The following CHD8 variants were observed in gnomAD, a reference collection of about 807,000 sequenced individuals.
The protein encoded by CHD8 is ATP-dependent chromatin remodeler CHD8.
CHD8 carries 31 observed loss-of-function variants against 279.2 expected under a neutral mutation model. That is an observed-to-expected ratio of 0.11 (90% CI 0.08 to 0.15). The LOEUF is 0.15. Among genes scored for constraint, CHD8 ranks in the 10% least tolerant of loss-of-function variants. CHD8 has a pLI of 1.00. For missense variants in CHD8, 2,146 were observed against 3,230.5 expected (o/e 0.66, Z 8.14); for synonymous variants, 1,081 against 1,139.6 (o/e 0.95, Z 1.04).
chr14:21,412,883 T>C (rs550407629), intron 10 of CHD8, 30 bp downstream of exon 10: 4 of 1,359,974 alleles, frequency 2.9e-6, no homozygotes, highest in Non-Finnish European at 4.2e-6. Context: ...TAAGAGGATG[T>C]TCACGTTACT....
intron 33 of CHD8, 22 bp from the exon 34 acceptor site, chr14:21,392,831 T>C (rs775420723): frequency 1.2e-6 from 2 of 1,609,380 alleles, no homozygotes; most frequent in Non-Finnish European, 1.7e-6. Context: ...AAGAAAGAAA[T>C]ACCATTTTAA....
intron 9 of CHD8, 26 bp downstream of exon 9, chr14:21,414,275 G>T: frequency 1.8e-6 from 2 of 1,113,398 alleles, no homozygotes; most frequent in South Asian, 2.7e-5. Flanking sequence ...TGAAAGAAAT[G>T]ACAGGCAATA....
At chr14:21,429,565 A>C in intron 2 of CHD8, 2 of 654,490 alleles carry the variant, frequency 3.1e-6, no homozygotes, top group Admixed American at 2.1e-5. Flanking sequence ...TCACAGGCAC[A>C]ACACTACTGC....
At chr14:21,430,017 A>G (rs1252574293) in intron 2 of CHD8, 1 of 153,720 alleles carries the variant, frequency 6.5e-6, no homozygotes, top group Non-Finnish European at 1.4e-5. Flanking sequence ...CTAATGCAGC[A>G]GTTCATTTTT....
chr14:21,405,629 G>T lies in CHD8; in HGVS notation c.3051+92C>A. 6.7e-7 allele frequency: 1 copy of T among 1,494,220 alleles called. No individual in the cohort carries two copies. The highest frequency in any genetic ancestry group is 9.1e-7 in the Non-Finnish European group (1 of 1,095,746). 92.6% of individuals were successfully genotyped at this position (1,494,220 alleles called of 1,614,324 possible). ...ACAAGGTTATAAGGAGTTCAGAAAGGCCCTTGAGATACCCATGACAACAGA... is the reference window on the plus strand; with the variant it reads ...ACAAGGTTATAAGGAGTTCAGAAAGTCCCTTGAGATACCCATGACAACAGA... On this transcript the variant is annotated intron_variant, in intron 15 of 37. Transcript: ENST00000646647. This position sits in a 1 kb window ranked among gnomAD's most constrained non-coding sequence, Gnocchi z 4.2.
At chr14:21,392,363 T>C in intron 34 of CHD8, 144 bp downstream of exon 34, 2 of 855,440 alleles carry the variant, frequency 2.3e-6, no homozygotes, top group South Asian at 1.6e-5. Context: ...AAAATGATTC[T>C]TCCTAAATGG....
chr14:21,437,044 G>A (rs1889812631), intron 1 of CHD8: 1 of 695,184 alleles, frequency 1.4e-6, no homozygotes, highest in Non-Finnish European at 2.2e-6. Flanking sequence ...GGTGGGGATG[G>A]CCAAGACGGG....
intron 1 of CHD8, among the ~76,000 whole-genome samples, chr14:21,448,175 T>C (rs1042613327): frequency 6.6e-6 from 1 of 152,182 alleles, no homozygotes. Context: ...TAAAAGAGTA[T>C]GTGTGGGAGG....
Position 21,394,138 on chromosome 14 carries a change from G to A in CHD8, c.5657C>T (p.Thr1886Ile). 6.2e-7 allele frequency: 1 copy of A among 1,611,122 alleles called. No individual in the cohort carries two copies. The highest frequency in any genetic ancestry group is 8.5e-7 in the Non-Finnish European group (1 of 1,178,030). ...EPITEERASRTLYRIELLRRL... is the reference protein window; with the variant it reads ...EPITEERASRILYRIELLRRL... ...CCGAAGCAATTCTATACGGTAGAGA[G>A]TCCGTGAGGCTCTCTCCTCAGTGAT... The change falls in exon 32 of 38, where the codon ACT becomes ATT. Residue 1886 changes from threonine (T) to isoleucine (I), a missense_variant. This residue lies in a region of CHD8 where 513 missense variants were observed against 637.6 expected (regional missense o/e 0.80). Coordinates refer to ENST00000646647, the MANE Select transcript of CHD8 (RefSeq NM_001170629.2).
At chr14:21,435,150 G>C (rs1483258692) in intron 1 of CHD8, among the ~76,000 whole-genome samples, 2 of 152,206 alleles carry the variant, frequency 1.3e-5, no homozygotes, top group African/African-American at 4.8e-5. Flanking sequence ...GTTGTACTTA[G>C]TCACTTTCCA....
At position 21,400,394 on chromosome 14, in the gene CHD8, G is replaced by C; in HGVS notation, c.4570+19C>G. On this transcript the variant is annotated intron_variant, in intron 23 of 37. Transcript: ENST00000646647. This position sits in a 1 kb window ranked among gnomAD's most constrained non-coding sequence, Gnocchi z 4.2. ...AGATTAACCTATAGAAAAACATAAA[G>C]TAAAGAGTTGATAATTACCTGAATG... is the stretch of plus-strand genomic sequence containing the variant. 6.3e-7 allele frequency: 1 copy of C among 1,598,756 alleles called. No individual in the cohort carries two copies. The highest frequency in any genetic ancestry group is 8.5e-7 in the Non-Finnish European group (1 of 1,175,134).
At chr14:21,388,582 C>G (rs1408461169) in intron 37 of CHD8, among the ~76,000 whole-genome samples, 1 of 152,144 alleles carries the variant, frequency 6.6e-6, no homozygotes, top group Non-Finnish European at 1.5e-5. Context: ...TAGTCTCAGC[C>G]TCTGGGCTCA....
intron 8 of CHD8, chr14:21,414,644 C>T: frequency 1.7e-6 from 1 of 593,090 alleles, no homozygotes; most frequent in Non-Finnish European, 3.0e-6. Context: ...AATGCTAATT[C>T]TGCTGATCCA....
chr14:21,410,585 C>G (rs2139486123), intron 10 of CHD8, among the ~76,000 whole-genome samples: 1 of 152,324 alleles, frequency 6.6e-6, no homozygotes, highest in African/African-American at 2.4e-5. Context: ...ACAGTAAGTA[C>G]TAGTTTATGT....
At chr14:21,407,724 T>G (rs1888312508) in intron 13 of CHD8, among the ~76,000 whole-genome samples, 1 of 152,072 alleles carries the variant, frequency 6.6e-6, no homozygotes, top group Admixed American at 6.5e-5. Context: ...TTCTCCTGCC[T>G]CAGCCTCCTG....
In CHD8 at chr14:21,400,841, A is replaced by G; in HGVS notation, c.4370+34T>C. On this transcript the variant is annotated intron_variant, in intron 22 of 37. Transcript: ENST00000646647. The surrounding 1 kb of genome is among the most constrained non-coding windows in gnomAD (Gnocchi z 4.2). ...GTATCTATCAGGATGGAGATGCACT[A>G]TGCACTACCTCTAATGGTAAGTTGG... 1 of 1,561,198 alleles carries G rather than the reference A, an allele frequency of 6.4e-7. No individual in the cohort carries two copies. The highest frequency in any genetic ancestry group is 8.7e-7 in the Non-Finnish European group (1 of 1,152,330).
chr14:21,393,621 A>G lies in CHD8; in HGVS notation c.6174T>C (p.Val2058=). ...CCTCATCCTCCAGTTTGACTGGTGG[A>G]ACACTCCGGGAAACCAGAGGGGTAG... ...SDTTPLVSRS[V]PPVKLEDEDD... The change falls in exon 32 of 38, where the codon GTT becomes GTC. Residue 2058 remains valine (V), a synonymous_variant. Coordinates refer to ENST00000646647, the MANE Select transcript of CHD8 (RefSeq NM_001170629.2). The G allele has an allele frequency of 6.2e-7, 1 of 1,613,952 alleles. No homozygotes were observed. The highest frequency in any genetic ancestry group is 8.5e-7 in the Non-Finnish European group (1 of 1,179,888).
At position 21,401,012 on chromosome 14, in the gene CHD8, C is replaced by T; in HGVS notation, c.4233G>A (p.Leu1411=). 1 of 1,613,992 alleles carries T rather than the reference C, an allele frequency of 6.2e-7. No homozygotes were observed. Among genetic ancestry groups the T allele is most frequent in the Non-Finnish European group, 8.5e-7 (1 of 1,179,880 alleles). ...VRKQTRHFST[L]KDDDLVEFSD... ...AGAATTCCACCAGGTCATCATCTTT[C>T]AGAGTGCTAAAGTGGCGCGTTTGTT... The change falls in exon 22 of 38, where the codon CTG becomes CTA. Residue 1411 remains leucine, a synonymous_variant. Coordinates refer to ENST00000646647, the MANE Select transcript of CHD8 (RefSeq NM_001170629.2).
chr14:21,409,141 A>G (rs988426134), intron 11 of CHD8, among the ~76,000 whole-genome samples: 3 of 152,194 alleles, frequency 2.0e-5, no homozygotes, highest in Non-Finnish European at 4.4e-5. Context: ...CATTAAAAAT[A>G]AAAAAACAAA....
Sources: allele counts gnomAD v4.1 joint callset (sites outside exome capture counted in the v4.1 genomes callset), GRCh38; gene constraint gnomAD v4.1.1; regional missense constraint gnomAD v4.1.1; non-coding constraint Gnocchi (gnomAD v3.1); transcripts MANE v1.5; gene names NCBI Gene and HGNC (gene_info 2026-07-23, HGNC 2026-07-21).